The following MAP2K3 variants were observed in gnomAD, a reference collection of about 807,000 sequenced individuals.
MAP2K3 encodes the protein mitogen-activated protein kinase kinase 3.
In MAP2K3, 30 loss-of-function variants were observed where a neutral mutation model predicts 46.4. That is an observed-to-expected ratio of 0.65 (90% CI 0.48 to 0.88). The LOEUF (loss-of-function observed/expected upper bound fraction) is 0.88. Among genes scored for constraint, MAP2K3 ranks in the 40% least tolerant of loss-of-function variants. MAP2K3 has a pLI of 0.00. For missense variants in MAP2K3, 380 were observed against 464.5 expected (o/e 0.82, Z 1.67); for synonymous variants, 189 against 176.3 (o/e 1.07, Z -0.57).
At chr17:21,294,075 C>T (rs1030992150) in intron 1 of MAP2K3, among the ~76,000 whole-genome samples, 2 of 152,312 alleles carry the variant, frequency 1.3e-5, no homozygotes, top group African/African-American at 4.8e-5. Flanking sequence ...CGTCGAGGTA[C>T]ATCTGCCCAC....
At chr17:21,298,222 T>A in intron 1 of MAP2K3, 191 bp from the exon 2 acceptor site, 1 of 827,516 alleles carries the variant, frequency 1.2e-6, no homozygotes, top group Non-Finnish European at 2.1e-6. Flanking sequence ...CCTGCTCTGC[T>A]CCCCTGCAGG....
intron 9 of MAP2K3, among the ~76,000 whole-genome samples, chr17:21,308,384 G>C (rs9905206): frequency 2.0e-5 from 3 of 152,422 alleles, no homozygotes; most frequent in Admixed American, 1.3e-4. Flanking sequence ...CTGACCTCAG[G>C]TGATCCACCT....
At chr17:21,297,187 C>G (rs949770192) in intron 1 of MAP2K3, among the ~76,000 whole-genome samples, 2 of 152,310 alleles carry the variant, frequency 1.3e-5, no homozygotes, top group Non-Finnish European at 2.9e-5. Context: ...CGGTGCGTGG[C>G]TCTGAGATGG....
At chr17:21,298,600 C>G in intron 2 of MAP2K3, 121 bp downstream of exon 2, 1 of 1,498,770 alleles carries the variant, frequency 6.7e-7, no homozygotes, top group Non-Finnish European at 9.3e-7. Flanking sequence ...CCTGGGCAGC[C>G]CCTGCTGTGC....
rs761151319 is a variant in MAP2K3 at position 21,298,977 on chromosome 17, G to A, written c.165+51G>A. On this transcript the variant is annotated intron_variant, in intron 3 of 11. Transcript: ENST00000342679. ...GGGCCTCTCACTTCACCTGACGAGC[G>A]GGTAGAGCTGACCCTGCAGGGCCAC... The A allele has an allele frequency of 2.0e-5, 33 of 1,612,868 alleles. No homozygotes were observed. In the South Asian group the frequency reaches 2.2e-4, roughly 11 times the overall value.
intron 1 of MAP2K3, among the ~76,000 whole-genome samples, chr17:21,297,929 C>A (rs1040827454): frequency 1.3e-5 from 2 of 152,298 alleles, no homozygotes; most frequent in African/African-American, 4.8e-5. Context: ...CCTGCTCCAC[C>A]GCCTGTTGCC....
rs1442006410 is a variant in MAP2K3 at position 21,302,288 on chromosome 17, G to T, written c.516+29G>T. 2.3e-5 allele frequency: 24 copies of T among 1,043,236 alleles called. No individual in the cohort carries two copies. In the Middle Eastern group the frequency reaches 6.1e-4, roughly 26 times the overall value. The allele number at this position is 1,043,236 out of a possible 1,614,324, so 64.6% of individuals were successfully genotyped here. ...AGTGGCCTGGGTGGGCTGGCGGGGGGTCCTAGGTGCATAGGCAGAGGCCCA... is the reference window on the plus strand; with the variant it reads ...AGTGGCCTGGGTGGGCTGGCGGGGGTTCCTAGGTGCATAGGCAGAGGCCCA... On this transcript the variant is annotated intron_variant, in intron 6 of 11. Coordinates refer to ENST00000342679, the MANE Select transcript of MAP2K3 (RefSeq NM_145109.3).
chr17:21,300,949 G>A lies in MAP2K3; in HGVS notation c.355G>A (p.Asp119Asn), dbSNP rs761995933. Residue 119 changes from aspartate (D) to asparagine (N), a missense_variant, in exon 5 of 12, where the codon GAC becomes AAC. Transcript: ENST00000342679. ...MDLDINMRTVDCFYTVTFYGA... is the reference protein window; with the variant it reads ...MDLDINMRTVNCFYTVTFYGA... ...CCTGGACATCAACATGCGCACGGTC[G>A]ACTGTTTCTACACTGTCACCTTCTA... 1.4e-5 allele frequency: 23 copies of A among 1,614,206 alleles called. No homozygotes were observed. The highest frequency in any genetic ancestry group is 1.6e-4 in the Middle Eastern group (1 of 6,062).
At position 21,284,861 on chromosome 17, in the gene MAP2K3, C is replaced by T. The variant is rs994447564; in HGVS notation, c.-60C>T. ...CCCGCAGCCATGAGCGTGCTCGGCC[C>T]CGGTGGAGCCCGCAGTCCTCTAGAT... is the stretch of plus-strand genomic sequence containing the variant. On this transcript the variant is annotated 5_prime_UTR_variant, in exon 1 of 12. Transcript: ENST00000342679. 6.4e-7 allele frequency: 1 copy of T among 1,572,660 alleles called. No individual in the cohort carries two copies. The highest frequency in any genetic ancestry group is 8.7e-7 in the Non-Finnish European group (1 of 1,155,754).
chr17:21,309,787 T>C (rs1045047854), intron 9 of MAP2K3, among the ~76,000 whole-genome samples: 2 of 151,910 alleles, frequency 1.3e-5, no homozygotes, highest in African/African-American at 4.8e-5. Flanking sequence ...CTAATTTTTG[T>C]ATTTTTAGTA....
intron 1 of MAP2K3, 164 bp from the exon 2 acceptor site, chr17:21,298,249 C>T (rs946094004): frequency 2.0e-6 from 2 of 1,011,494 alleles, no homozygotes; most frequent in South Asian, 1.3e-5. Context: ...GGGCCTCCTT[C>T]CCCCTTTGAA....
chr17:21,285,308 C>T, intron 1 of MAP2K3: 1 of 985,218 alleles, frequency 1.0e-6, no homozygotes. Flanking sequence ...TCCCAGTCTT[C>T]TCCCTCAGCG....
chr17:21,300,829 T>C (rs1283781355), intron 4 of MAP2K3, 45 bp from the exon 5 acceptor site: 1 of 1,613,468 alleles, frequency 6.2e-7, no homozygotes, highest in African/African-American at 1.3e-5. Flanking sequence ...GTGTGGGTGT[T>C]GGCCTCTGCC....
chr17:21,314,417 G>A lies in MAP2K3; in HGVS notation c.*187G>A, dbSNP rs1977312369. 11 of 605,662 alleles carry A rather than the reference G, an allele frequency of 1.8e-5. No homozygotes were observed. In the South Asian group the frequency reaches 1.9e-4, roughly 10 times the overall value. 37.5% of individuals were successfully genotyped at this position (605,662 alleles called of 1,614,324 possible). On this transcript the variant is annotated 3_prime_UTR_variant, in exon 12 of 12. Coordinates refer to ENST00000342679, the MANE Select transcript of MAP2K3 (RefSeq NM_145109.3). ...CAAGTGCCAAAGAAGCAGACCATTGGGGCTCCCAGCCAGGCCCTTGTCGGC... is the reference window on the plus strand; with the variant it reads ...CAAGTGCCAAAGAAGCAGACCATTGAGGCTCCCAGCCAGGCCCTTGTCGGC...
rs1435533376 is a variant in MAP2K3 at position 21,302,153 on chromosome 17, G to C, written c.410G>C (p.Trp137Ser). 6.2e-7 allele frequency: 1 copy of C among 1,614,128 alleles called. No homozygotes were observed. Among genetic ancestry groups the C allele is most frequent in the African/African-American group, 1.3e-5 (1 of 74,954 alleles). ...GGGTGTCACCCACAGGGAGACGTGT[G>C]GATCTGCATGGAGCTCATGGACACA... Reference protein sequence around the residue: ...YGALFREGDVWICMELMDTSL... With the variant: ...YGALFREGDVSICMELMDTSL... Residue 137 changes from tryptophan to serine, a missense_variant, in exon 6 of 12, where the codon TGG becomes TCG. Physicochemically the swap from Trp to Ser is radical, Grantham distance 177 (BLOSUM62 -3). Around this residue, in one of 5 missense-constraint regions of MAP2K3, gnomAD observed 294 missense variants for 275.4 expected, o/e 1.07. Transcript: ENST00000342679.
chr17:21,290,121 G>A (rs952162654), intron 1 of MAP2K3, among the ~76,000 whole-genome samples: 1 of 152,218 alleles, frequency 6.6e-6, no homozygotes, highest in Non-Finnish European at 1.5e-5. Flanking sequence ...GCGGTGATGC[G>A]GTGACAGGCC....
At chr17:21,302,544 T>C (rs1213742412) in intron 6 of MAP2K3, among the ~76,000 whole-genome samples, 2 of 152,310 alleles carry the variant, frequency 1.3e-5, no homozygotes, top group African/African-American at 4.8e-5. Context: ...CAGATCATTT[T>C]TTAAAAAAGG....
intron 9 of MAP2K3, among the ~76,000 whole-genome samples, chr17:21,305,934 A>C (rs1331564443): frequency 1.3e-5 from 2 of 152,306 alleles, no homozygotes; most frequent in Non-Finnish European, 2.9e-5. Context: ...CTGCCCAGGG[A>C]AGCCTGGCCC....
chr17:21,287,058 C>T (rs917045045), intron 1 of MAP2K3, among the ~76,000 whole-genome samples: 9 of 152,272 alleles, frequency 5.9e-5, no homozygotes, highest in South Asian at 2.1e-4. Context: ...CTGTGACAGG[C>T]GGAGCTAGGG....
Sources: allele counts gnomAD v4.1 joint callset (sites outside exome capture counted in the v4.1 genomes callset), GRCh38; gene constraint gnomAD v4.1.1; regional missense constraint gnomAD v4.1.1; transcripts MANE v1.5; gene names NCBI Gene and HGNC (gene_info 2026-07-23, HGNC 2026-07-21).